GALNT13: variants seen among roughly 807,000 people sequenced by gnomAD.
GALNT13 encodes polypeptide N-acetylgalactosaminyltransferase 13, also known as UDP-GalNAc:polypeptide N-acetylgalactosaminyltransferase 13.
In GALNT13, 28 loss-of-function variants were observed where a neutral mutation model predicts 64.2. That is an observed-to-expected ratio of 0.44 (90% CI 0.32 to 0.60). The LOEUF is 0.60. GALNT13 is among the 20% of genes least tolerant of loss of function. The pLI is 0.05. For synonymous variants in GALNT13, 214 were observed against 224.6 expected, an observed-to-expected ratio of 0.95 and a Z score of 0.42; for missense variants, 577 against 669.8, an observed-to-expected ratio of 0.86 and a Z score of 1.53.
intron 3 of GALNT13, among the ~76,000 whole-genome samples, chr2:154,116,875 G>T (rs531938435): frequency 6.6e-6 from 1 of 152,122 alleles, no homozygotes; most frequent in East Asian, 1.9e-4. Flanking sequence ...TTCTCTAGAG[G>T]AAAAGAACTA....
At chr2:154,249,219 C>A (rs1020820371) in intron 7 of GALNT13, among the ~76,000 whole-genome samples, 1 of 152,110 alleles carries the variant, frequency 6.6e-6, no homozygotes, top group East Asian at 1.9e-4. Flanking sequence ...AACAAACATA[C>A]AAACTGTTCT....
At chr2:153,345,884 T>C in the GALNT13 span, among the ~76,000 whole-genome samples, 646 of 150,910 alleles carry the variant, frequency 4.3e-3, no homozygotes, top group Non-Finnish European at 7.4e-3. Flanking sequence ...CAGTTTCGAC[T>C]TCCTGGGCTC....
chr2:153,543,154 A>G, the GALNT13 span, among the ~76,000 whole-genome samples: 4 of 152,192 alleles, frequency 2.6e-5, no homozygotes, highest in Non-Finnish European at 4.4e-5. Flanking sequence ...TGGAAATACT[A>G]TAAGGTTGGA....
intron 9 of GALNT13, among the ~76,000 whole-genome samples, chr2:154,364,859 C>T (rs1697279261): frequency 2.0e-5 from 3 of 152,178 alleles, no homozygotes; most frequent in East Asian, 1.9e-4. Context: ...TTAGTAGAGA[C>T]GGGGTTTTGC....
the GALNT13 span, among the ~76,000 whole-genome samples, chr2:153,246,556 T>C: frequency 1.3e-5 from 2 of 152,188 alleles, no homozygotes; most frequent in Non-Finnish European, 2.9e-5. Context: ...CTAAGCTTCA[T>C]AAGTGAAGGA....
chr2:153,647,446 CT>C, the GALNT13 span, among the ~76,000 whole-genome samples: 1 of 152,138 alleles, frequency 6.6e-6, no homozygotes, highest in East Asian at 1.9e-4. Flanking sequence ...GTTTCTTTTG[CT>C]GTGCAGAAGC....
chr2:154,039,050 A>G (rs1440240298), intron 3 of GALNT13, among the ~76,000 whole-genome samples: 1 of 152,178 alleles, frequency 6.6e-6, no homozygotes, highest in Admixed American at 6.5e-5. Flanking sequence ...AATCAAAACC[A>G]CAATGAGGTA....
At chr2:153,090,612 C>T in the GALNT13 span, among the ~76,000 whole-genome samples, 6 of 152,294 alleles carry the variant, frequency 3.9e-5, no homozygotes, top group East Asian at 7.7e-4. Flanking sequence ...AGAGTACGAA[C>T]TGCTTTAGTA....
the GALNT13 span, among the ~76,000 whole-genome samples, chr2:153,552,622 G>A: frequency 7.7e-6 from 1 of 130,096 alleles, no homozygotes; most frequent in Non-Finnish European, 1.6e-5. Context: ...TGGAATCAAA[G>A]GCATCATTGA....
chr2:154,389,605 AG>A (rs1698684938), intron 9 of GALNT13, among the ~76,000 whole-genome samples: 1 of 152,194 alleles, frequency 6.6e-6, no homozygotes, highest in Admixed American at 6.5e-5. Flanking sequence ...TATTAGGGGA[AG>A]AATTTAACTG....
chr2:153,116,261 A>G, the GALNT13 span, among the ~76,000 whole-genome samples: 1 of 152,188 alleles, frequency 6.6e-6, no homozygotes, highest in East Asian at 1.9e-4. Context: ...GTTTTGTTAA[A>G]TGTTCTTATT....
chr2:154,158,028 G>A (rs1684523980), intron 4 of GALNT13, among the ~76,000 whole-genome samples: 1 of 152,158 alleles, frequency 6.6e-6, no homozygotes, highest in African/African-American at 2.4e-5. Flanking sequence ...TGAGCTGGCT[G>A]ATTTTCTGTG....
chr2:153,839,439 C>T, the GALNT13 span, among the ~76,000 whole-genome samples: 2 of 151,830 alleles, frequency 1.3e-5, no homozygotes, highest in Admixed American at 1.3e-4. Context: ...TTCTTCTATA[C>T]CTAATCCACT....
intron 2 of GALNT13, among the ~76,000 whole-genome samples, chr2:153,925,298 A>G (rs550592171): frequency 4.6e-5 from 7 of 152,194 alleles, no homozygotes; most frequent in Admixed American, 1.3e-4. Context: ...AGCACTATTT[A>G]TTAAATAGGG....
chr2:153,146,205 T>C, the GALNT13 span, among the ~76,000 whole-genome samples: 1 of 150,916 alleles, frequency 6.6e-6, no homozygotes, highest in Non-Finnish European at 1.5e-5. Context: ...CTTCTTCCCA[T>C]GAAGTTTTCT....
At chr2:153,277,104 TG>T in the GALNT13 span, among the ~76,000 whole-genome samples, 1 of 152,204 alleles carries the variant, frequency 6.6e-6, no homozygotes, top group Non-Finnish European at 1.5e-5. Context: ...GTATGGTATA[TG>T]GGTATATTGT....
intron 4 of GALNT13, among the ~76,000 whole-genome samples, chr2:154,151,483 C>T (rs1209144511): frequency 6.6e-6 from 1 of 152,016 alleles, no homozygotes; most frequent in Non-Finnish European, 1.5e-5. Context: ...CCTGGGTATC[C>T]TTGTTAACTT....
the GALNT13 span, among the ~76,000 whole-genome samples, chr2:153,220,608 C>T: frequency 6.6e-6 from 1 of 152,190 alleles, no homozygotes; most frequent in African/African-American, 2.4e-5. Flanking sequence ...ATATATAATC[C>T]TAGGTTCAAG....
chr2:153,564,105 G>A, the GALNT13 span, among the ~76,000 whole-genome samples: 1 of 152,086 alleles, frequency 6.6e-6, no homozygotes, highest in East Asian at 1.9e-4. Context: ...CATCCTGCTA[G>A]TGGTGGAATG....
Sources: gnomAD v4.1 joint callset for allele counts (sites outside exome capture counted in the v4.1 genomes callset) on GRCh38, gnomAD v4.1.1 for gene constraint, MANE v1.5 for transcripts, NCBI Gene and HGNC (gene_info 2026-07-23, HGNC 2026-07-21) for gene names.